CD72: variants seen among roughly 807,000 people sequenced by gnomAD.
The protein encoded by CD72 is CD72 molecule, also known as B-cell differentiation antigen CD72.
A neutral mutation model predicts 50.7 loss-of-function variants in CD72; 28 were observed. The ratio of observed to expected loss-of-function variants is 0.55; its 90% CI spans 0.41 to 0.76. The LOEUF is 0.76. CD72 is among the 30% of genes least tolerant of loss of function. CD72 has a pLI of 0.00. For missense variants in CD72, 403 were observed against 420.6 expected (o/e 0.96, Z 0.37); for synonymous variants, 176 against 171.2 (o/e 1.03, Z -0.22).
intron 1 of CD72, among the ~76,000 whole-genome samples, chr9:35,639,702 C>T (rs1439829395): frequency 6.6e-6 from 1 of 152,192 alleles, no homozygotes; most frequent in Non-Finnish European, 1.5e-5. Context: ...TATGTGATTA[C>T]TGAGTTCTTC....
chr9:35,617,035 T>C, intron 3 of CD72, 141 bp downstream of exon 3: 1 of 1,470,716 alleles, frequency 6.8e-7, no homozygotes, highest in Non-Finnish European at 9.0e-7. Context: ...AAGGTGAATG[T>C]GGCACGGCAG....
Sources: gnomAD v4.1 joint callset for allele counts (sites outside exome capture counted in the v4.1 genomes callset) on GRCh38, gnomAD v4.1.1 for gene constraint, MANE v1.5 for transcripts, NCBI Gene and HGNC (gene_info 2026-07-23, HGNC 2026-07-21) for gene names.